RPS6KC1: variants seen among roughly 807,000 people sequenced by gnomAD.
The protein encoded by RPS6KC1 is inactive ribosomal protein S6 kinase delta-1.
A neutral mutation model predicts 103.8 loss-of-function variants in RPS6KC1; 54 were observed. That is an observed-to-expected ratio of 0.52 (90% CI 0.42 to 0.65). RPS6KC1 has a LOEUF of 0.65. Ranked by LOEUF, RPS6KC1 falls within the 30% of genes least tolerant of loss-of-function variation. RPS6KC1 has a pLI of 0.00. For missense variants in RPS6KC1, 1,151 were observed against 1,253.8 expected (o/e 0.92, Z 1.24); for synonymous variants, 439 against 438.7 (o/e 1.00, Z -0.01).
chr1:213,586,856 T>C, the RPS6KC1 span, among the ~76,000 whole-genome samples: 2 of 152,200 alleles, frequency 1.3e-5, no homozygotes, highest in East Asian at 1.9e-4. Flanking sequence ...ACTGGCCTTA[T>C]TGACCCACTT....
At chr1:213,445,627 A>T in the RPS6KC1 span, among the ~76,000 whole-genome samples, 1 of 152,226 alleles carries the variant, frequency 6.6e-6, no homozygotes, top group South Asian at 2.1e-4. Flanking sequence ...GGAGGGACAG[A>T]TGCGAGAGAG....
the RPS6KC1 span, among the ~76,000 whole-genome samples, chr1:213,339,552 G>T: frequency 6.6e-6 from 1 of 152,212 alleles, no homozygotes; most frequent in Non-Finnish European, 1.5e-5. Context: ...AGACCATTCT[G>T]GTAGCATGGC....
chr1:213,718,617 A>G, the RPS6KC1 span, among the ~76,000 whole-genome samples: 1 of 152,176 alleles, frequency 6.6e-6, no homozygotes, highest in African/African-American at 2.4e-5. Flanking sequence ...CCATTTTTCC[A>G]AAGGGGAGAC....
intron 6 of RPS6KC1, among the ~76,000 whole-genome samples, chr1:213,149,885 A>G (rs564601988): frequency 2.0e-5 from 3 of 152,304 alleles, no homozygotes; most frequent in South Asian, 2.1e-4. Flanking sequence ...TGACCCCTTT[A>G]TCATTATATA....
chr1:213,596,072 A>G, the RPS6KC1 span, among the ~76,000 whole-genome samples: 27 of 152,382 alleles, frequency 1.8e-4, no homozygotes, highest in African/African-American at 6.0e-4. Flanking sequence ...TTTAAATGGC[A>G]GGTAGCTTAA....
At chr1:213,770,560 A>G in the RPS6KC1 span, among the ~76,000 whole-genome samples, 1 of 152,218 alleles carries the variant, frequency 6.6e-6, no homozygotes, top group African/African-American at 2.4e-5. Flanking sequence ...TGTTATGCCC[A>G]TTACAAGTCC....
chr1:213,658,591 TAG>T, the RPS6KC1 span, among the ~76,000 whole-genome samples: 1 of 152,202 alleles, frequency 6.6e-6, no homozygotes, highest in Non-Finnish European at 1.5e-5. Context: ...TCATGGGCAA[TAG>T]ATTTGAGAGG....
At chr1:213,080,252 A>G (rs1053271668) in intron 3 of RPS6KC1, among the ~76,000 whole-genome samples, 4 of 152,018 alleles carry the variant, frequency 2.6e-5, no homozygotes, top group Admixed American at 6.6e-5. Context: ...TTACGTATCT[A>G]TTGACTCACT....
chr1:213,465,411 A>G, the RPS6KC1 span, among the ~76,000 whole-genome samples: 1 of 152,210 alleles, frequency 6.6e-6, no homozygotes. Flanking sequence ...GTTAAAGGGC[A>G]TACACATTTT....
chr1:213,645,985 T>C, the RPS6KC1 span, among the ~76,000 whole-genome samples: 1 of 152,156 alleles, frequency 6.6e-6, no homozygotes, highest in East Asian at 1.9e-4. Flanking sequence ...CCCTGGTAAC[T>C]TGAGAGAGAG....
the RPS6KC1 span, among the ~76,000 whole-genome samples, chr1:213,653,702 G>C: frequency 6.6e-6 from 1 of 152,196 alleles, no homozygotes; most frequent in Non-Finnish European, 1.5e-5. Context: ...CAGGGACCCT[G>C]TCTGATTTTG....
chr1:213,705,053 G>C, the RPS6KC1 span, among the ~76,000 whole-genome samples: 1 of 152,252 alleles, frequency 6.6e-6, no homozygotes, highest in East Asian at 1.9e-4. Flanking sequence ...CACTGGGACT[G>C]TGCTGGGTCA....
the RPS6KC1 span, among the ~76,000 whole-genome samples, chr1:213,396,052 C>T: frequency 2.6e-5 from 4 of 152,138 alleles, no homozygotes; most frequent in Non-Finnish European, 5.9e-5. Context: ...AAGGTGAAAT[C>T]CGAAGAGTCA....
At chr1:213,216,275 C>T (rs889414630) in intron 8 of RPS6KC1, among the ~76,000 whole-genome samples, 1 of 151,656 alleles carries the variant, frequency 6.6e-6, no homozygotes, top group Non-Finnish European at 1.5e-5. Context: ...TCAAAAGAGA[C>T]AAGGCCATTA....
intron 14 of RPS6KC1, among the ~76,000 whole-genome samples, chr1:213,267,754 A>G (rs2094945369): frequency 6.6e-6 from 1 of 152,038 alleles, no homozygotes; most frequent in Admixed American, 6.5e-5. Context: ...AGTAGAAGTC[A>G]CAAGTTGAAT....
At chr1:213,188,915 A>C (rs2092644409) in intron 8 of RPS6KC1, among the ~76,000 whole-genome samples, 1 of 152,096 alleles carries the variant, frequency 6.6e-6, no homozygotes, top group South Asian at 2.1e-4. Context: ...AATAGCTAAA[A>C]TAGTTTTCAA....
the RPS6KC1 span, among the ~76,000 whole-genome samples, chr1:213,635,362 G>GA: frequency 1.6e-4 from 25 of 152,236 alleles, no homozygotes; most frequent in East Asian, 4.6e-3. Flanking sequence ...ACATCGATGT[G>GA]AAAATCCTCA....
At chr1:213,619,014 A>T in the RPS6KC1 span, among the ~76,000 whole-genome samples, 1 of 152,174 alleles carries the variant, frequency 6.6e-6, no homozygotes, top group East Asian at 1.9e-4. Flanking sequence ...TAAATCCACA[A>T]TAGTATATTC....
chr1:213,475,808 C>T, the RPS6KC1 span, among the ~76,000 whole-genome samples: 19 of 152,244 alleles, frequency 1.2e-4, no homozygotes, highest in Admixed American at 3.3e-4. Flanking sequence ...ATGTGTATGG[C>T]GGAAAAGAGA....
Sources: allele counts gnomAD v4.1 joint callset (sites outside exome capture counted in the v4.1 genomes callset), GRCh38; gene constraint gnomAD v4.1.1; transcripts MANE v1.5; gene names NCBI Gene and HGNC (gene_info 2026-07-23, HGNC 2026-07-21).